Variants in ZNF558 observed in about 807,000 individuals in gnomAD.
The protein encoded by ZNF558 is zinc finger protein 558.
Under a neutral mutation model 37.6 loss-of-function variants are expected in ZNF558, and 23 were observed. The observed-to-expected ratio is 0.61, with a 90% CI of 0.44 to 0.87. ZNF558 has a LOEUF of 0.87. ZNF558 is among the 40% of genes least tolerant of loss of function. The pLI is 0.00. For missense variants in ZNF558, 429 were observed against 483.7 expected (o/e 0.89, Z 1.06); for synonymous variants, 189 against 174.4 (o/e 1.08, Z -0.66).
chr19:8,821,769 A>G, intron 6 of ZNF558: 1 of 1,354,800 alleles, frequency 7.4e-7, no homozygotes, highest in East Asian at 2.9e-5. Context: ...TTTCCCTTAA[A>G]ACTCTCAGGA....
chr19:8,836,469 C>A (rs1036199264), upstream of ZNF558, among the ~76,000 whole-genome samples: 3 of 150,480 alleles, frequency 2.0e-5, no homozygotes, highest in Admixed American at 1.3e-4. Context: ...CCTCCTCCCC[C>A]CCTCTCCTCC....
intron 8 of ZNF558, 71 bp from the exon 9 acceptor site, chr19:8,812,714 C>A: frequency 1.0e-6 from 1 of 975,832 alleles, no homozygotes; most frequent in South Asian, 1.8e-5. Flanking sequence ...TGAGTAAAGG[C>A]AGATTCTGAG....
At chr19:8,831,009 C>T (rs1448137607) in intron 2 of ZNF558, 2 of 152,150 alleles carry the variant, frequency 1.3e-5, no homozygotes, top group Non-Finnish European at 2.9e-5. Context: ...ATTTTCTATA[C>T]TTATATAAAA....
Position 8,811,493 on chromosome 19 carries a change from A to C in ZNF558, c.997T>G (p.Phe333Val). Residue 333 changes from phenylalanine to valine, a missense_variant, in exon 10 of 10, where the codon TTT becomes GTT. Transcript: ENST00000601372. ...NECGKSFSSS[F>V]SLTVHKRIHT... ...ATTCTCTTGTGCACAGTAAGAGAAA[A>C]GCTACTGCTGAAGGATTTCCCACAC... 6.2e-7 allele frequency: 1 copy of C among 1,614,154 alleles called. No homozygotes were observed. Among genetic ancestry groups the C allele is most frequent in the South Asian group, 1.1e-5 (1 of 91,066 alleles).
In ZNF558 at chr19:8,819,564, T is replaced by C. The variant is rs150205318; in HGVS notation, c.247+1616A>G. Among the ~76,000 whole-genome samples the C allele has an allele frequency of 6.6e-5, 10 of 152,354 alleles. No individual in the cohort carries two copies. The East Asian group carries it at 1.7e-3, about 26-fold the overall frequency. ...GAATAGAGAAATCATTTATGTATTA[T>C]ATTTTGAATAAGGATTTGGTACCCA... On this transcript the variant is annotated intron_variant, in intron 7 of 9. Coordinates refer to ENST00000601372, the MANE Select transcript of ZNF558 (RefSeq NM_144693.3).
chr19:8,813,765 C>T (rs1282333159), intron 7 of ZNF558, among the ~76,000 whole-genome samples: 9 of 152,198 alleles, frequency 5.9e-5, no homozygotes, highest in African/African-American at 2.2e-4. Flanking sequence ...TAAACAGCCC[C>T]AGAAGGCCAT....
At chr19:8,823,373 G>A (rs2044145426) in intron 4 of ZNF558, among the ~76,000 whole-genome samples, 2 of 83,330 alleles carry the variant, frequency 2.4e-5, no homozygotes, top group Admixed American at 2.8e-4. Flanking sequence ...TCCTGCCTCA[G>A]TCAACCCCTC....
At chr19:8,830,211 C>G (rs559211770) in intron 2 of ZNF558, among the ~76,000 whole-genome samples, 1 of 151,702 alleles carries the variant, frequency 6.6e-6, no homozygotes, top group Admixed American at 6.6e-5. Flanking sequence ...CTGCCATGAT[C>G]GTAAGTTTCC....
rs150629238 is a variant in ZNF558, at chr19:8,813,216, C to A, written c.254G>T (p.Arg85Leu). 1 of 1,589,004 alleles carries A rather than the reference C, an allele frequency of 6.3e-7. No homozygotes were observed. Among genetic ancestry groups the A allele is most frequent in the South Asian group, 1.1e-5 (1 of 87,162 alleles). Residue 85 changes from arginine to leucine, a missense_variant, in exon 8 of 10, where the codon CGT becomes CTT. Transcript: ENST00000601372. The part of the protein sequence containing the change: ...NCRNLASLGC[R>L]VNKPSLISQL... ...GGATATCAGACTGGGTTTATTAACA[C>A]GACACCCTATTTATGGAAACAATAC...
rs1368628808 is a variant in ZNF558 at position 8,806,405 on chromosome 19, A to C, written c.*4876T>G. 1.1e-4 allele frequency: 16 copies of C among 152,172 alleles called. No homozygotes were observed. The highest frequency in any genetic ancestry group is 3.6e-4 in the African/African-American group (15 of 41,434). The allele number at this position is 152,172 out of a possible 1,614,324, so 9.4% of individuals were successfully genotyped here. A position where few individuals can be genotyped will look rare whatever the true frequency, so the allele number is the denominator to read the frequency against. On this transcript the variant is annotated 3_prime_UTR_variant, in exon 10 of 10. Transcript: ENST00000601372. ...TGCTGTTAATTCTCTCAGCTTAAAA[A>C]AATCCCTCCCAGGCCGGGCGTGGTG... is the stretch of plus-strand genomic sequence containing the variant.
chr19:8,834,005 A>C (rs2044423375), upstream of ZNF558, among the ~76,000 whole-genome samples: 1 of 148,852 alleles, frequency 6.7e-6, no homozygotes, highest in African/African-American at 2.4e-5. Flanking sequence ...AAAACAAAAC[A>C]AAAACCAAAA....
At chr19:8,836,637 G>T (rs975450349), upstream of ZNF558, among the ~76,000 whole-genome samples, 1 of 151,958 alleles carries the variant, frequency 6.6e-6, no homozygotes, top group East Asian at 1.9e-4. Context: ...GACTGCAGGC[G>T]TGCACCACCA....
At chr19:8,815,784 T>C (rs1470426229) in intron 7 of ZNF558, among the ~76,000 whole-genome samples, 1 of 151,434 alleles carries the variant, frequency 6.6e-6, no homozygotes, top group Non-Finnish European at 1.5e-5. Context: ...AGTGAGAACC[T>C]GTCTCAAAGA....
chr19:8,821,721 T>C, intron 6 of ZNF558: 1 of 1,300,686 alleles, frequency 7.7e-7, no homozygotes, highest in Non-Finnish European at 9.8e-7. Context: ...CGTTTATTAA[T>C]TGCTTGGGTT....
upstream of ZNF558, among the ~76,000 whole-genome samples, chr19:8,835,724 G>A (rs2044448417): frequency 6.6e-6 from 1 of 152,148 alleles, no homozygotes; most frequent in South Asian, 2.1e-4. Flanking sequence ...GCTTGTACAT[G>A]AATGTTCATA....
chr19:8,831,665 G>A (rs1446425286), intron 1 of ZNF558, among the ~76,000 whole-genome samples: 1 of 152,152 alleles, frequency 6.6e-6, no homozygotes, highest in African/African-American at 2.4e-5. Context: ...GAGATTCTAT[G>A]GTGACTCCAC....
In ZNF558 at chr19:8,810,894, C is replaced by T. The variant is rs1212331836; in HGVS notation, c.*387G>A. ...AACTTATTGCCAAATTGTCAAGGAGCTGGGCCTTGTAAAGAGGCCTACATG... is the reference window on the plus strand; with the variant it reads ...AACTTATTGCCAAATTGTCAAGGAGTTGGGCCTTGTAAAGAGGCCTACATG... On this transcript the variant is annotated 3_prime_UTR_variant, in exon 10 of 10. Transcript: ENST00000601372. 1 of 169,888 alleles carries T rather than the reference C, an allele frequency of 5.9e-6. No homozygotes were observed. The highest frequency in any genetic ancestry group is 1.3e-5 in the Non-Finnish European group (1 of 79,032). 10.5% of individuals were successfully genotyped at this position (169,888 alleles called of 1,614,324 possible).
rs199537309 is a variant in ZNF558, at chr19:8,827,022, C to T, written c.-508-1914G>A. ...TGAGGGGGGGTTGGCCTCCAGCCAGCTCACTGGGCCTCCAAGAAAAAAACA... is the reference window on the plus strand; with the variant it reads ...TGAGGGGGGGTTGGCCTCCAGCCAGTTCACTGGGCCTCCAAGAAAAAAACA... On this transcript the variant is annotated intron_variant, in intron 2 of 9. Transcript: ENST00000601372. 2.6e-5 allele frequency among the ~76,000 whole-genome samples: 4 copies of T among 152,256 alleles called. No homozygotes were observed. The East Asian group carries it at 7.7e-4, about 29-fold the overall frequency.
upstream of ZNF558, among the ~76,000 whole-genome samples, chr19:8,836,234 T>A (rs569604121): frequency 7.4e-4 from 112 of 152,244 alleles, 1 homozygote; most frequent in African/African-American, 2.7e-3. Context: ...AATAAGAGAA[T>A]AAAAGTGGAA....
Sources: gnomAD v4.1 joint callset for allele counts (sites outside exome capture counted in the v4.1 genomes callset) on GRCh38, gnomAD v4.1.1 for gene constraint, MANE v1.5 for transcripts, NCBI Gene and HGNC (gene_info 2026-07-23, HGNC 2026-07-21) for gene names.